The following ACOT13 variants were observed in gnomAD, a reference collection of about 807,000 sequenced individuals.
ACOT13 encodes the protein acyl-CoA thioesterase 13, also known as acyl-coenzyme A thioesterase 13.
A neutral mutation model predicts 11.8 loss-of-function variants in ACOT13; 10 were observed. The ratio of observed to expected loss-of-function variants is 0.85; its 90% CI spans 0.53 to 1.44. ACOT13 has a LOEUF of 1.44. Ranked by LOEUF, ACOT13 falls within the 40% of genes most tolerant of loss-of-function variation. ACOT13 has a pLI of 0.00. For missense variants in ACOT13, 172 were observed against 174.1 expected, an observed-to-expected ratio of 0.99 and a Z score of 0.07; for synonymous variants, 53 against 61.0, an observed-to-expected ratio of 0.87 and a Z score of 0.61.
rs1778947711 is a variant in ACOT13, at chr6:24,704,115, A to G, written c.*2500A>G. The G allele has an allele frequency of 6.6e-6, 1 of 152,222 alleles. No individual in the cohort carries two copies. Among genetic ancestry groups the G allele is most frequent in the Non-Finnish European group, 1.5e-5 (1 of 68,040 alleles). 9.4% of individuals were successfully genotyped at this position (152,222 alleles called of 1,614,324 possible). ...GTATCAACATTCCCTGAGTTTGGTA[A>G]TTTTACTCTAGTTATATGAAATATT... On this transcript the variant is annotated 3_prime_UTR_variant, in exon 3 of 3. Coordinates refer to ENST00000230048, the MANE Select transcript of ACOT13 (RefSeq NM_018473.4).
chr6:24,672,509 C>T (rs1049146355), intron 1 of ACOT13, among the ~76,000 whole-genome samples: 5 of 152,022 alleles, frequency 3.3e-5, no homozygotes, highest in Admixed American at 6.6e-5. Context: ...TGTGGTGGCA[C>T]GCGTCTGTAG....
intron 1 of ACOT13, chr6:24,687,776 T>G: frequency 1.5e-6 from 2 of 1,357,222 alleles, no homozygotes; most frequent in African/African-American, 1.5e-5. Context: ...AATGGTACGA[T>G]CTTGGCTCAA....
intron 1 of ACOT13, among the ~76,000 whole-genome samples, chr6:24,692,016 C>T (rs141049047): frequency 6.6e-6 from 1 of 152,092 alleles, no homozygotes; most frequent in Non-Finnish European, 1.5e-5. Context: ...GTGGCAAGGG[C>T]AGAAATAGGG....
Position 24,699,804 on chromosome 6 carries a change from TG to T in ACOT13, c.267-1654del, listed in dbSNP as rs148866903. ...TCTTCAAACCTAGCACTGCATTTCATGATCTACTAAGGTACTTTTGCCTTTA... is the reference window on the plus strand; with the variant it reads ...TCTTCAAACCTAGCACTGCATTTCATATCTACTAAGGTACTTTTGCCTTTA... On this transcript the variant is annotated intron_variant, in intron 2 of 2. Transcript: ENST00000230048. Among the ~76,000 whole-genome samples the T allele has an allele frequency of 4.4e-3, 675 of 152,338 alleles. 5 individuals are homozygous for T. The highest frequency in any genetic ancestry group is 0.015 in the African/African-American group (626 of 41,568).
In ACOT13 at chr6:24,704,830, G is replaced by A. The variant is rs757112663; in HGVS notation, c.*3215G>A. On this transcript the variant is annotated 3_prime_UTR_variant, in exon 3 of 3. Coordinates refer to ENST00000230048, the MANE Select transcript of ACOT13 (RefSeq NM_018473.4). ...CTCTAAGGTGACCAGTAACATCAGT[G>A]AAATGGAAAGAAAAAGTTAACACTT... is the stretch of plus-strand genomic sequence containing the variant. The A allele has an allele frequency of 6.6e-6, 1 of 152,134 alleles. No homozygotes were observed. The highest frequency in any genetic ancestry group is 1.5e-5 in the Non-Finnish European group (1 of 68,014). The allele number at this position is 152,134 out of a possible 1,614,324, so 9.4% of individuals were successfully genotyped here. A position where few individuals can be genotyped will look rare whatever the true frequency, so the allele number is the denominator to read the frequency against.
rs1778897119 is a variant in ACOT13, at chr6:24,701,791, A to AATCATGTG, written c.*177_*178insTCATGTGA. 1 of 553,630 alleles carries AATCATGTG rather than the reference A, an allele frequency of 1.8e-6. No homozygotes were observed. Among genetic ancestry groups the AATCATGTG allele is most frequent in the Non-Finnish European group, 3.0e-6 (1 of 335,986 alleles). The allele number at this position is 553,630 out of a possible 1,614,324, so 34.3% of individuals were successfully genotyped here. A position where few individuals can be genotyped will look rare whatever the true frequency, so the allele number is the denominator to read the frequency against. ...AGGTGGGGGTGTCTTTTTTCACTTT[A>AATCATGTG]AGCATCTTGTTTTCTAATCATGTGT... On this transcript the variant is annotated 3_prime_UTR_variant, in exon 3 of 3. Coordinates refer to ENST00000230048, the MANE Select transcript of ACOT13 (RefSeq NM_018473.4).
At chr6:24,672,639 C>T (rs919218303) in intron 1 of ACOT13, among the ~76,000 whole-genome samples, 3 of 151,800 alleles carry the variant, frequency 2.0e-5, no homozygotes, top group Admixed American at 2.0e-4. Flanking sequence ...GACTCCATCT[C>T]AAAAAAAGAA....
chr6:24,683,504 C>G (rs965668757), intron 1 of ACOT13, among the ~76,000 whole-genome samples: 2 of 151,832 alleles, frequency 1.3e-5, no homozygotes, highest in African/African-American at 2.4e-5. Flanking sequence ...CTGCTGCGCT[C>G]CAGCCTGGGT....
chr6:24,687,073 C>G (rs1232568993), intron 1 of ACOT13, among the ~76,000 whole-genome samples: 1 of 152,192 alleles, frequency 6.6e-6, no homozygotes, highest in Non-Finnish European at 1.5e-5. Flanking sequence ...CACACACCAT[C>G]TTAACCATTT....
intron 1 of ACOT13, among the ~76,000 whole-genome samples, chr6:24,688,175 C>A (rs1478717280): frequency 1.3e-5 from 2 of 151,522 alleles, no homozygotes; most frequent in African/African-American, 4.9e-5. Context: ...ATACACAAGA[C>A]AAAATAAGGC....
intron 2 of ACOT13, among the ~76,000 whole-genome samples, chr6:24,698,557 TA>T (rs780992009): frequency 3.9e-5 from 6 of 152,136 alleles, no homozygotes; most frequent in Non-Finnish European, 8.8e-5. Flanking sequence ...ATGAGGATTG[TA>T]TTGAGTACAT....
At chr6:24,671,044 G>C (rs1020395563) in intron 1 of ACOT13, among the ~76,000 whole-genome samples, 2 of 152,120 alleles carry the variant, frequency 1.3e-5, no homozygotes, top group African/African-American at 4.8e-5. Context: ...CATTGTGGAA[G>C]ACACTGTGGT....
chr6:24,701,144 T>C (rs915252990), intron 2 of ACOT13: 1 of 195,736 alleles, frequency 5.1e-6, no homozygotes, highest in Non-Finnish European at 1.0e-5. Context: ...GTTAAGGAGA[T>C]TAAATGAAAG....
At chr6:24,669,042 G>A (rs1003953864) in intron 1 of ACOT13, among the ~76,000 whole-genome samples, 4 of 152,164 alleles carry the variant, frequency 2.6e-5, no homozygotes, top group Non-Finnish European at 4.4e-5. Context: ...CTCCTGCCTC[G>A]CTTGTAAGAA....
chr6:24,699,648 G>A (rs986463228), intron 2 of ACOT13, among the ~76,000 whole-genome samples: 1 of 152,240 alleles, frequency 6.6e-6, no homozygotes, highest in Non-Finnish European at 1.5e-5. Flanking sequence ...TTGAAATTAA[G>A]ATGTACAGAA....
chr6:24,686,414 C>T (rs1778630869), intron 1 of ACOT13, among the ~76,000 whole-genome samples: 1 of 152,126 alleles, frequency 6.6e-6, no homozygotes, highest in African/African-American at 2.4e-5. Flanking sequence ...CACAGTTCTG[C>T]AGGCTGTACA....
chr6:24,682,659 G>T (rs528456169), intron 1 of ACOT13, among the ~76,000 whole-genome samples: 1 of 152,102 alleles, frequency 6.6e-6, no homozygotes, highest in South Asian at 2.1e-4. Context: ...ATGGGAGTCA[G>T]TGGTGGGTCT....
chr6:24,698,786 C>T (rs566786469), intron 2 of ACOT13, among the ~76,000 whole-genome samples: 16 of 151,744 alleles, frequency 1.1e-4, no homozygotes, highest in South Asian at 1.0e-3. Context: ...TACAGGTGTG[C>T]GCCACCATGC....
At chr6:24,669,809 C>T (rs1408152471) in intron 1 of ACOT13, among the ~76,000 whole-genome samples, 2 of 152,100 alleles carry the variant, frequency 1.3e-5, no homozygotes, top group African/African-American at 2.4e-5. Flanking sequence ...TTCTGAAGTC[C>T]ATACATCAGT....
Sources: gnomAD v4.1 joint callset for allele counts (sites outside exome capture counted in the v4.1 genomes callset) on GRCh38, gnomAD v4.1.1 for gene constraint, MANE v1.5 for transcripts, NCBI Gene and HGNC (gene_info 2026-07-23, HGNC 2026-07-21) for gene names.